GAK: variants seen among roughly 807,000 people sequenced by gnomAD.
GAK encodes cyclin G associated kinase, also known as cyclin-G-associated kinase.
In GAK, 79 loss-of-function variants were observed where a neutral mutation model predicts 143.9. The ratio of observed to expected loss-of-function variants is 0.55; its 90% CI spans 0.46 to 0.66. GAK has a LOEUF of 0.66. GAK is among the 30% of genes least tolerant of loss of function. The pLI, the probability that GAK is intolerant of heterozygous loss-of-function variation, is 0.00. For missense variants in GAK, 1,693 were observed against 1,779.7 expected (o/e 0.95, Z 0.88); for synonymous variants, 881 against 765.5 (o/e 1.15, Z -2.49).
At chr4:923,856 A>G (rs1437699258) in intron 1 of GAK, among the ~76,000 whole-genome samples, 2 of 152,004 alleles carry the variant, frequency 1.3e-5, no homozygotes, top group African/African-American at 4.8e-5. Context: ...TAAGACCTGT[A>G]TCCAGAGTAA....
At chr4:914,775 CAA>C (rs1722798786) in intron 1 of GAK, among the ~76,000 whole-genome samples, 1 of 123,156 alleles carries the variant, frequency 8.1e-6, no homozygotes, top group Non-Finnish European at 1.7e-5. Context: ...ACACGGCCCC[CAA>C]CACACACAGC....
In GAK at chr4:866,528, G is replaced by A; in HGVS notation, c.2879C>T (p.Pro960Leu). The change falls in exon 22 of 28, where the codon CCC becomes CTC. Residue 960 changes from proline to leucine, a missense_variant. By Grantham distance (98) the Pro-to-Leu change is moderately conservative. This residue lies in a region of GAK where 822 missense variants were observed against 788.7 expected (regional missense o/e 1.04). Coordinates refer to ENST00000314167, the MANE Select transcript of GAK (RefSeq NM_005255.4). ...TGAAGACGGCAGAAGCGGGCCAAAGGGGTCAGCTGTGGGGACAGGCGGGCA... is the reference window on the plus strand; with the variant it reads ...TGAAGACGGCAGAAGCGGGCCAAAGAGGTCAGCTGTGGGGACAGGCGGGCA... ...PRGGPPAAAD[P>L]FGPLLPSSGN... The A allele has an allele frequency of 6.2e-7, 1 of 1,613,490 alleles. No homozygotes were observed. The highest frequency in any genetic ancestry group is 8.5e-7 in the Non-Finnish European group (1 of 1,179,866).
chr4:866,635 G>C, intron 21 of GAK, 101 bp from the exon 22 acceptor site: 2 of 1,331,626 alleles, frequency 1.5e-6, no homozygotes, highest in Non-Finnish European at 2.1e-6. Context: ...ACTCCAGCTG[G>C]GCAGCCCAGA....
At chr4:914,684 C>A (rs1722765284) in intron 1 of GAK, among the ~76,000 whole-genome samples, 1 of 120,206 alleles carries the variant, frequency 8.3e-6, no homozygotes, top group African/African-American at 3.2e-5. Context: ...CACAGCCCCA[C>A]CCCCAACACA....
chr4:911,875 T>C (rs1341437793), intron 3 of GAK, 88 bp from the exon 4 acceptor site: 30 of 1,021,770 alleles, frequency 2.9e-5, no homozygotes, highest in Non-Finnish European at 3.5e-5. Flanking sequence ...ATTAACACAC[T>C]GAAGTCAGAA....
At chr4:900,646 C>A (rs1453494771) in intron 5 of GAK, among the ~76,000 whole-genome samples, 2 of 152,162 alleles carry the variant, frequency 1.3e-5, no homozygotes, top group African/African-American at 4.8e-5. Context: ...GCAGGACTGG[C>A]CCCTCATGGA....
chr4:877,521 G>T, intron 16 of GAK, 94 bp downstream of exon 16: 1 of 1,320,172 alleles, frequency 7.6e-7, no homozygotes, highest in Non-Finnish European at 1.0e-6. Context: ...GCCTCAGCAA[G>T]CGCCTGTCCC....
chr4:863,957 A>T (rs1238706258), intron 23 of GAK, among the ~76,000 whole-genome samples: 2 of 152,202 alleles, frequency 1.3e-5, no homozygotes, highest in Non-Finnish European at 2.9e-5. Context: ...CAGGACGTGG[A>T]GGATGCAGTG....
At position 898,161 on chromosome 4, in the gene GAK, G is replaced by T. The variant is rs757315438; in HGVS notation, c.526-3C>A. ...TTACTAAGCAACAAGTTCTCAACCT[G>T]TAAAATTCCACAAGACAGCCCCGTG... is the stretch of plus-strand genomic sequence containing the variant. On this transcript the variant is annotated splice_polypyrimidine_tract_variant and splice_region_variant and intron_variant, in intron 5 of 27. Transcript: ENST00000314167. 1 of 1,613,792 alleles carries T rather than the reference G, an allele frequency of 6.2e-7. No homozygotes were observed. The highest frequency in any genetic ancestry group is 8.5e-7 in the Non-Finnish European group (1 of 1,179,756).
chr4:903,251 C>T (rs1040237849), intron 5 of GAK, among the ~76,000 whole-genome samples: 3 of 151,542 alleles, frequency 2.0e-5, no homozygotes, highest in Non-Finnish European at 4.4e-5. Context: ...CAGCCAGTGG[C>T]TCATGCCCAC....
At chr4:859,409 G>T in intron 24 of GAK, 197 bp downstream of exon 24, 2 of 1,531,668 alleles carry the variant, frequency 1.3e-6, no homozygotes, top group South Asian at 1.2e-5. Flanking sequence ...AGCAACTCCC[G>T]GTTTTAGCTT....
intron 20 of GAK, among the ~76,000 whole-genome samples, chr4:867,832 CG>C (rs763209729): frequency 9.2e-5 from 14 of 152,220 alleles, no homozygotes; most frequent in Non-Finnish European, 1.5e-4. Flanking sequence ...TCTGGGCGGG[CG>C]GTGGGGTGTT....
chr4:905,428 G>C (rs1271192508), intron 4 of GAK, among the ~76,000 whole-genome samples: 1 of 151,392 alleles, frequency 6.6e-6, no homozygotes, highest in Non-Finnish European at 1.5e-5. Flanking sequence ...CCACGCTACA[G>C]ACTCTGCCAC....
At chr4:910,217 C>T (rs1222928914) in intron 4 of GAK, among the ~76,000 whole-genome samples, 2 of 152,164 alleles carry the variant, frequency 1.3e-5, no homozygotes, top group Admixed American at 1.3e-4. Flanking sequence ...AAGCAGCTTA[C>T]ACCCCACAGT....
At chr4:896,213 T>C (rs1718739820) in intron 7 of GAK, among the ~76,000 whole-genome samples, 1 of 152,096 alleles carries the variant, frequency 6.6e-6, no homozygotes, top group South Asian at 2.1e-4. Context: ...GCGGTGAGCC[T>C]GAGCCGAGGT....
chr4:850,614 C>A (rs1747950250), intron 26 of GAK: 1 of 234,794 alleles, frequency 4.3e-6, no homozygotes, highest in Non-Finnish European at 8.5e-6. Flanking sequence ...TCTGCAAACA[C>A]CCCGGGGCAC....
In GAK at chr4:849,608, G is replaced by A. The variant is rs1243138894; in HGVS notation, c.*65C>T. ...GTCGCCCACGGGGTCCTCACGGTGG[G>A]GACCCAGGTCCCACGACGGCTCCCA... On this transcript the variant is annotated 3_prime_UTR_variant, in exon 28 of 28. Transcript: ENST00000314167. 3.7e-6 allele frequency: 5 copies of A among 1,338,740 alleles called. No homozygotes were observed. In the African/African-American group the frequency reaches 5.8e-5, roughly 15 times the overall value. 82.9% of individuals were successfully genotyped at this position (1,338,740 alleles called of 1,614,324 possible).
chr4:876,447 G>A, intron 18 of GAK, 83 bp downstream of exon 18: 1 of 1,216,836 alleles, frequency 8.2e-7, no homozygotes. Context: ...CTCCCCCTGG[G>A]GCTCCCACGA....
intron 5 of GAK, among the ~76,000 whole-genome samples, chr4:904,305 CG>C (rs1280018180): frequency 1.2e-5 from 1 of 84,754 alleles, no homozygotes; most frequent in African/African-American, 4.7e-5. Flanking sequence ...GAGGGAGCCA[CG>C]ACCTTGTGGT....
Sources: gnomAD v4.1 joint callset for allele counts (sites outside exome capture counted in the v4.1 genomes callset) on GRCh38, gnomAD v4.1.1 for gene constraint, gnomAD v4.1.1 regional missense constraint, MANE v1.5 for transcripts, NCBI Gene and HGNC (gene_info 2026-07-23, HGNC 2026-07-21) for gene names.